Variants in BRD10 observed in about 807,000 individuals in gnomAD.
The protein encoded by BRD10 is uncharacterized bromodomain-containing protein 10.
the BRD10 span, chr9:5,919,947 T>C: frequency 6.2e-7 from 1 of 1,613,964 alleles, no homozygotes. Context: ...ACCAAAGATG[T>C]CTTAGCCAAA....
the BRD10 span, among the ~76,000 whole-genome samples, chr9:5,960,917 T>C: frequency 6.6e-6 from 1 of 152,190 alleles, no homozygotes; most frequent in Non-Finnish European, 1.5e-5. Flanking sequence ...AAGATGTTCA[T>C]GGTATACTGA....
chr9:5,996,400 C>T, the BRD10 span, among the ~76,000 whole-genome samples: 1 of 152,108 alleles, frequency 6.6e-6, no homozygotes, highest in Non-Finnish European at 1.5e-5. Context: ...CTCACTGCAA[C>T]CTTTGCCTCC....
the BRD10 span, among the ~76,000 whole-genome samples, chr9:5,927,497 T>C: frequency 6.6e-6 from 1 of 152,174 alleles, no homozygotes; most frequent in East Asian, 1.9e-4. Flanking sequence ...TTCCACCTTA[T>C]AGCAAAACTC....
the BRD10 span, among the ~76,000 whole-genome samples, chr9:5,989,889 T>C: frequency 6.7e-6 from 1 of 149,672 alleles, no homozygotes; most frequent in Non-Finnish European, 1.5e-5. Context: ...TTGGACTATG[T>C]CCAGAGTGAT....
At chr9:5,966,561 G>A in the BRD10 span, among the ~76,000 whole-genome samples, 3 of 142,212 alleles carry the variant, frequency 2.1e-5, no homozygotes, top group Admixed American at 2.3e-4. Flanking sequence ...CCGGGTTGAA[G>A]CAATTCTCCT....
chr9:5,958,572 C>T, the BRD10 span, among the ~76,000 whole-genome samples: 7 of 152,086 alleles, frequency 4.6e-5, no homozygotes, highest in Admixed American at 2.6e-4. Flanking sequence ...GGATGGCTTG[C>T]GCCCCGGAGT....
At chr9:5,917,721 T>G in the BRD10 span, among the ~76,000 whole-genome samples, 1 of 152,168 alleles carries the variant, frequency 6.6e-6, no homozygotes, top group Non-Finnish European at 1.5e-5. Context: ...GCTATGGTGG[T>G]GCACACCTGT....
the BRD10 span, among the ~76,000 whole-genome samples, chr9:5,999,633 C>G: frequency 3.9e-5 from 6 of 152,106 alleles, no homozygotes; most frequent in Non-Finnish European, 7.4e-5. Context: ...ACCGTCACAC[C>G]TGTCACTACT....
chr9:5,987,711 A>G, the BRD10 span, among the ~76,000 whole-genome samples: 1 of 152,196 alleles, frequency 6.6e-6, no homozygotes, highest in African/African-American at 2.4e-5. Context: ...CACTCCTAAC[A>G]TAGTTCGCAA....
the BRD10 span, among the ~76,000 whole-genome samples, chr9:5,885,163 A>G: frequency 1.3e-5 from 2 of 151,930 alleles, no homozygotes; most frequent in African/African-American, 4.8e-5. Flanking sequence ...CTATCCCCTC[A>G]CCATCAGAAC....
chr9:5,920,333 G>A, the BRD10 span: 1 of 1,613,960 alleles, frequency 6.2e-7, no homozygotes. Flanking sequence ...CATAATCTGA[G>A]TACCAGGTGC....
chr9:5,987,171 CT>C, the BRD10 span, among the ~76,000 whole-genome samples: 8 of 151,534 alleles, frequency 5.3e-5, no homozygotes, highest in Non-Finnish European at 1.0e-4. Context: ...ATTAGCCATT[CT>C]TTTTTTTTAT....
chr9:5,907,138 A>C, the BRD10 span: 1 of 431,502 alleles, frequency 2.3e-6, no homozygotes, highest in Non-Finnish European at 4.0e-6. Flanking sequence ...AAAATGGTTA[A>C]AATGGCAACT....
At chr9:5,923,022 C>A in the BRD10 span, 1 of 1,613,968 alleles carries the variant, frequency 6.2e-7, no homozygotes, top group South Asian at 1.1e-5. Flanking sequence ...GGTACTGAAT[C>A]CAATGAGGCA....
chr9:5,879,602 A>C, the BRD10 span, among the ~76,000 whole-genome samples: 1 of 152,154 alleles, frequency 6.6e-6, no homozygotes, highest in East Asian at 1.9e-4. Flanking sequence ...TCTGGTGGCC[A>C]CCGCTGGCTC....
At chr9:5,953,887 C>T in the BRD10 span, 2 of 640,444 alleles carry the variant, frequency 3.1e-6, no homozygotes. Flanking sequence ...GGAGAAAAGT[C>T]ACTGTCAGAA....
chr9:5,952,285 T>C, the BRD10 span, among the ~76,000 whole-genome samples: 1 of 152,040 alleles, frequency 6.6e-6, no homozygotes, highest in Admixed American at 6.6e-5. Flanking sequence ...CCTCCCTAAG[T>C]GCTGGGATTA....
the BRD10 span, among the ~76,000 whole-genome samples, chr9:5,969,848 C>T: frequency 8.5e-5 from 13 of 152,092 alleles, no homozygotes; most frequent in South Asian, 6.2e-4. Flanking sequence ...GCCCAGCCTG[C>T]CCTAGTTTTA....
chr9:5,921,008 C>A, the BRD10 span: 203 of 1,613,784 alleles, frequency 1.3e-4, no homozygotes, highest in Non-Finnish European at 1.7e-4. Context: ...TGGAAAGGAA[C>A]CCAAAGATAA....
Sources: gnomAD v4.1 joint callset for allele counts (sites outside exome capture counted in the v4.1 genomes callset) on GRCh38, gnomAD v4.1.1 for gene constraint, MANE v1.5 for transcripts, NCBI Gene and HGNC (gene_info 2026-07-23, HGNC 2026-07-21) for gene names.